The following NR3C1 variants were observed in gnomAD, a reference collection of about 807,000 sequenced individuals.
NR3C1 encodes the protein glucocorticoid receptor.
A neutral mutation model predicts 74.0 loss-of-function variants in NR3C1; 14 were observed. That is an observed-to-expected ratio of 0.19 (90% CI 0.12 to 0.30). The LOEUF is 0.30. NR3C1 is among the 10% of genes least tolerant of loss of function. NR3C1 has a pLI of 1.00. For missense variants in NR3C1, 695 were observed against 909.8 expected, an observed-to-expected ratio of 0.76 and a Z score of 3.04; for synonymous variants, 308 against 332.5, an observed-to-expected ratio of 0.93 and a Z score of 0.80.
intron 2 of NR3C1, among the ~76,000 whole-genome samples, chr5:143,365,471 A>G (rs1050012228): frequency 2.0e-5 from 3 of 152,252 alleles, no homozygotes; most frequent in African/African-American, 7.2e-5. Flanking sequence ...TCAAGAAGAT[A>G]TAATAATCAT....
At chr5:143,353,506 T>C (rs949108775) in intron 2 of NR3C1, among the ~76,000 whole-genome samples, 1 of 152,192 alleles carries the variant, frequency 6.6e-6, no homozygotes, top group African/African-American at 2.4e-5. Flanking sequence ...CACTCCCTGA[T>C]TCATGGGCTA....
At chr5:143,339,701 C>T (rs942847453) in intron 2 of NR3C1, among the ~76,000 whole-genome samples, 9 of 152,212 alleles carry the variant, frequency 5.9e-5, no homozygotes. Flanking sequence ...TATCCTTCTC[C>T]TCCTTCCTTC....
chr5:143,425,301 G>A (rs903958588), intron 1 of NR3C1, among the ~76,000 whole-genome samples: 2 of 152,132 alleles, frequency 1.3e-5, no homozygotes, highest in African/African-American at 4.8e-5. Context: ...TCTCGGATTA[G>A]TCAATGGTTT....
intron 2 of NR3C1, among the ~76,000 whole-genome samples, chr5:143,352,687 AGT>A (rs1830443498): frequency 6.6e-6 from 1 of 152,220 alleles, no homozygotes; most frequent in Admixed American, 6.5e-5. Flanking sequence ...TAGTCTATTA[AGT>A]GTGCAATAGC....
intron 7 of NR3C1, among the ~76,000 whole-genome samples, chr5:143,291,379 C>T (rs1815910081): frequency 6.6e-6 from 1 of 152,076 alleles, no homozygotes; most frequent in Admixed American, 6.6e-5. Flanking sequence ...GCGCGCACCA[C>T]CACCCCCAGC....
intron 2 of NR3C1, among the ~76,000 whole-genome samples, chr5:143,377,466 T>C (rs1232099349): frequency 6.6e-6 from 1 of 152,248 alleles, no homozygotes; most frequent in African/African-American, 2.4e-5. Flanking sequence ...AGCTCTACCA[T>C]TCTCTGACCT....
Position 143,347,563 on chromosome 5 carries a change from C to T in NR3C1, c.1185-33395G>A, listed in dbSNP as rs370342309. On this transcript the variant is annotated intron_variant, in intron 2 of 8. Coordinates refer to ENST00000394464, the MANE Select transcript of NR3C1 (RefSeq NM_000176.3). ...GTGACTTTCTGGGAAATCCATTTTA[C>T]CATTATAGAACTGGAGATTGCCAAG... 7.8e-4 allele frequency among the ~76,000 whole-genome samples: 119 copies of T among 152,236 alleles called. 2 individuals carry two copies. The highest frequency in any genetic ancestry group is 1.0e-3 in the African/African-American group (43 of 41,566).
At chr5:143,366,390 A>G (rs4912906) in intron 2 of NR3C1, among the ~76,000 whole-genome samples, 24,228 of 151,830 alleles carry the variant, frequency 0.16, 2,352 homozygotes, top group Middle Eastern at 0.26. Context: ...GGCGCTTGTA[A>G]TCCCAGCTAC....
rs1207213099 is a variant in NR3C1, at chr5:143,348,168, G to A, written c.1185-34000C>T. 4.6e-4 allele frequency among the ~76,000 whole-genome samples: 70 copies of A among 152,196 alleles called. 2 individuals are homozygous for A. Among genetic ancestry groups the A allele is most frequent in the Admixed American group, 4.6e-3 (70 of 15,280 alleles). On this transcript the variant is annotated intron_variant, in intron 2 of 8. Transcript: ENST00000394464. ...ATTTTGTCTCACAGCATCAGCTCGT[G>A]TTTCCGGTAGCATACTTTGGAGCTT...
intron 6 of NR3C1, among the ~76,000 whole-genome samples, chr5:143,296,169 A>AT (rs1442358179): frequency 4.6e-5 from 7 of 152,170 alleles, no homozygotes; most frequent in African/African-American, 1.7e-4. Flanking sequence ...TTCTGAAGTC[A>AT]TTACATACCT....
intron 2 of NR3C1, among the ~76,000 whole-genome samples, chr5:143,332,313 T>G (rs1219955592): frequency 3.7e-5 from 5 of 136,866 alleles, no homozygotes; most frequent in Non-Finnish European, 8.0e-5. Flanking sequence ...ACTTTGAGTG[T>G]TTTTTTTTTT....
intron 2 of NR3C1, among the ~76,000 whole-genome samples, chr5:143,354,045 A>G (rs1165946481): frequency 5.3e-5 from 8 of 152,180 alleles, no homozygotes; most frequent in Non-Finnish European, 1.5e-5. Context: ...TTACACTTTT[A>G]TGTTACAGCG....
chr5:143,289,934 G>A (rs984320217), intron 7 of NR3C1, among the ~76,000 whole-genome samples: 1 of 152,090 alleles, frequency 6.6e-6, no homozygotes, highest in African/African-American at 2.4e-5. Flanking sequence ...CTCAACCTAT[G>A]TCCCAGTGAT....
At chr5:143,405,443 T>C, upstream of NR3C1, 4 of 781,276 alleles carry the variant, frequency 5.1e-6, no homozygotes, top group Non-Finnish European at 6.2e-6. Context: ...GGGTACAGTG[T>C]CGCCAGCCCG....
At chr5:143,316,554 G>A (rs1270157753) in intron 2 of NR3C1, among the ~76,000 whole-genome samples, 2 of 152,134 alleles carry the variant, frequency 1.3e-5, no homozygotes, top group East Asian at 1.9e-4. Flanking sequence ...GCCGTGGCAG[G>A]TGGTTCATCA....
intron 2 of NR3C1, among the ~76,000 whole-genome samples, chr5:143,346,517 G>C (rs1829317007): frequency 6.6e-6 from 1 of 152,052 alleles, no homozygotes; most frequent in Admixed American, 6.6e-5. Context: ...AAAGGTATAG[G>C]GGCCTTGAAA....
At chr5:143,287,015 A>T (rs1323470161) in intron 7 of NR3C1, among the ~76,000 whole-genome samples, 1 of 152,128 alleles carries the variant, frequency 6.6e-6, no homozygotes, top group Non-Finnish European at 1.5e-5. Flanking sequence ...CAATGAAAAA[A>T]ATCATGAAGG....
Position 143,298,660 on chromosome 5 carries a change from C to A in NR3C1, c.1892+8G>T. On this transcript the variant is annotated splice_region_variant and intron_variant, in intron 6 of 8. Coordinates refer to ENST00000394464, the MANE Select transcript of NR3C1 (RefSeq NM_000176.3). ...GAATACAGGGAAAATGACACACATA[C>A]AACTTACTCATTAATAATCAGATCA... 1.2e-6 allele frequency: 2 copies of A among 1,612,368 alleles called. No individual in the cohort carries two copies. The highest frequency in any genetic ancestry group is 1.7e-6 in the Non-Finnish European group (2 of 1,179,036).
chr5:143,342,202 G>A (rs905544844), intron 2 of NR3C1, among the ~76,000 whole-genome samples: 2 of 152,090 alleles, frequency 1.3e-5, no homozygotes, highest in African/African-American at 4.8e-5. Flanking sequence ...CGTTTAGTCT[G>A]TTCATTTTTT....
Sources: allele counts gnomAD v4.1 joint callset (sites outside exome capture counted in the v4.1 genomes callset), GRCh38; gene constraint gnomAD v4.1.1; transcripts MANE v1.5; gene names NCBI Gene and HGNC (gene_info 2026-07-23, HGNC 2026-07-21).